The following LMNB1 variants were observed in gnomAD, a reference collection of about 807,000 sequenced individuals.
LMNB1 encodes the protein lamin-B1.
In LMNB1, 23 loss-of-function variants were observed where a neutral mutation model predicts 67.1. The ratio of observed to expected loss-of-function variants is 0.34; its 90% CI spans 0.25 to 0.49. The LOEUF is 0.49. Ranked by LOEUF, LMNB1 falls within the 20% of genes least tolerant of loss-of-function variation. The pLI, the probability that LMNB1 is intolerant of heterozygous loss-of-function variation, is 0.99. For synonymous variants in LMNB1, 281 were observed against 282.9 expected, an observed-to-expected ratio of 0.99 and a Z score of 0.07; for missense variants, 634 against 746.5, an observed-to-expected ratio of 0.85 and a Z score of 1.76.
chr5:126,811,761 T>C lies in LMNB1; in HGVS notation c.814-12T>C. The stretch of plus-strand genomic sequence containing the variant: ...CTAGATAAGACTGACTATGCTTTGC[T>C]TCTTCTTTTAGCTTGAGAATGCCAG... On this transcript the variant is annotated splice_polypyrimidine_tract_variant and intron_variant, in intron 4 of 10. Transcript: ENST00000261366. 2 of 1,599,178 alleles carry C rather than the reference T, an allele frequency of 1.3e-6. No homozygotes were observed. The highest frequency in any genetic ancestry group is 1.7e-6 in the Non-Finnish European group (2 of 1,168,088).
chr5:126,797,361 T>C (rs1751131720), intron 1 of LMNB1, among the ~76,000 whole-genome samples: 1 of 152,248 alleles, frequency 6.6e-6, no homozygotes, highest in African/African-American at 2.4e-5. Flanking sequence ...ATTCACATGT[T>C]GAATTTAACA....
chr5:126,807,812 C>T (rs2973605), intron 3 of LMNB1, among the ~76,000 whole-genome samples: 146,582 of 152,294 alleles, frequency 0.96, 70,577 homozygotes, highest in African/African-American at 0.99. Flanking sequence ...AATTTTTGGC[C>T]TTTGCCTTTT....
chr5:126,781,148 G>A (rs566849313), intron 1 of LMNB1, among the ~76,000 whole-genome samples: 4 of 152,252 alleles, frequency 2.6e-5, no homozygotes, highest in Admixed American at 1.3e-4. Context: ...AATTAGCCGC[G>A]TGTGGTAGTG....
At chr5:126,796,055 C>T (rs556718202) in intron 1 of LMNB1, among the ~76,000 whole-genome samples, 1 of 150,958 alleles carries the variant, frequency 6.6e-6, no homozygotes, top group South Asian at 2.1e-4. Flanking sequence ...GCCTCAGCCT[C>T]CCAAGTAGCT....
intron 4 of LMNB1, 79 bp downstream of exon 4, chr5:126,810,429 T>C: frequency 8.8e-7 from 1 of 1,137,646 alleles, no homozygotes; most frequent in Non-Finnish European, 1.2e-6. Flanking sequence ...GGCTTTATGT[T>C]TATTTTGTTC....
chr5:126,777,903 A>AGGGGCG, intron 1 of LMNB1, 36 bp downstream of exon 1: 1 of 1,380,080 alleles, frequency 7.2e-7, no homozygotes, highest in Non-Finnish European at 9.4e-7. Flanking sequence ...AGCGCCAAGG[A>AGGGGCG]GGGGCGGGGG....
rs1752264068 is a variant in LMNB1 at position 126,837,002 on chromosome 5, AAAG to A, written c.*739_*741del. On this transcript the variant is annotated 3_prime_UTR_variant, in exon 11 of 11. Transcript: ENST00000261366. ...TTCTTATGTGACATTAACAAATAAAAAAGCTCTTTTAATATTGATATACTGTCC... is the reference window on the plus strand; with the variant it reads ...TTCTTATGTGACATTAACAAATAAAACTCTTTTAATATTGATATACTGTCC... The A allele has an allele frequency of 2.5e-6, 1 of 397,742 alleles. No homozygotes were observed. The highest frequency in any genetic ancestry group is 4.4e-6 in the Non-Finnish European group (1 of 225,574). The allele number at this position is 397,742 out of a possible 1,614,324, so 24.6% of individuals were successfully genotyped here.
At chr5:126,793,516 A>G (rs1302778731) in intron 1 of LMNB1, among the ~76,000 whole-genome samples, 1 of 152,202 alleles carries the variant, frequency 6.6e-6, no homozygotes, top group Non-Finnish European at 1.5e-5. Context: ...TGTAACTTTG[A>G]GTTTATGCAA....
intron 10 of LMNB1, among the ~76,000 whole-genome samples, chr5:126,835,825 G>T (rs1292667112): frequency 7.2e-5 from 11 of 152,144 alleles, no homozygotes; most frequent in Non-Finnish European, 1.0e-4. Context: ...GGTGGCTCAC[G>T]CCTGTAATCC....
At chr5:126,814,189 C>G (rs1203233864) in intron 5 of LMNB1, among the ~76,000 whole-genome samples, 8 of 152,216 alleles carry the variant, frequency 5.3e-5, no homozygotes, top group Admixed American at 4.6e-4. Context: ...GCCACTGCAC[C>G]TGGCCTATAT....
rs17532713 is a variant in LMNB1 at position 126,790,717 on chromosome 5, A to G, written c.359+12850A>G. ...TTTTTCTACAGTCTAGTTGTATTGT[A>G]TAAGCATTGATAGTTTGGGTATAGA... is the stretch of plus-strand genomic sequence containing the variant. On this transcript the variant is annotated intron_variant, in intron 1 of 10. Transcript: ENST00000261366. Among the ~76,000 whole-genome samples, 1,486 of 152,168 alleles carry G rather than the reference A, an allele frequency of 9.8e-3. 14 individuals are homozygous for G. Among genetic ancestry groups the G allele is most frequent in the Non-Finnish European group, 0.015 (1,007 of 68,016 alleles).
At chr5:126,798,583 A>T (rs1399236964) in intron 1 of LMNB1, among the ~76,000 whole-genome samples, 1 of 152,210 alleles carries the variant, frequency 6.6e-6, no homozygotes, top group African/African-American at 2.4e-5. Flanking sequence ...GAAAGAGAGG[A>T]TACCCATGCA....
chr5:126,811,094 G>A (rs1751568188), intron 4 of LMNB1, among the ~76,000 whole-genome samples: 1 of 152,204 alleles, frequency 6.6e-6, no homozygotes, highest in South Asian at 2.1e-4. Context: ...TGAAGTAGCA[G>A]TTAGTGAAAG....
chr5:126,834,277 C>T (rs978241246), intron 10 of LMNB1, among the ~76,000 whole-genome samples: 1 of 151,872 alleles, frequency 6.6e-6, no homozygotes, highest in Admixed American at 6.6e-5. Flanking sequence ...GCAATCTCAG[C>T]TCACCGCAAC....
chr5:126,780,659 G>T (rs1366551970), intron 1 of LMNB1, among the ~76,000 whole-genome samples: 1 of 152,162 alleles, frequency 6.6e-6, no homozygotes, highest in Non-Finnish European at 1.5e-5. Flanking sequence ...TTCTCTGAGG[G>T]TTAGTAGTGT....
chr5:126,828,888 C>G (rs533463448), intron 9 of LMNB1, among the ~76,000 whole-genome samples: 1 of 152,198 alleles, frequency 6.6e-6, no homozygotes, highest in African/African-American at 2.4e-5. Context: ...TAACAAACTT[C>G]TAATACCTTC....
chr5:126,810,383 T>C (rs1181544855), intron 4 of LMNB1, 33 bp downstream of exon 4: 1 of 1,510,428 alleles, frequency 6.6e-7, no homozygotes, highest in Non-Finnish European at 9.1e-7. Context: ...TTTTGAACAC[T>C]TAAAATCATT....
chr5:126,776,910 G>C (rs1158728283), upstream of LMNB1: 1 of 152,440 alleles, frequency 6.6e-6, no homozygotes, highest in Non-Finnish European at 1.5e-5. Flanking sequence ...CGCCCAGCCG[G>C]GAGGGCCGAG....
chr5:126,794,838 C>A (rs78470173), intron 1 of LMNB1, among the ~76,000 whole-genome samples: 1 of 152,090 alleles, frequency 6.6e-6, no homozygotes, highest in Non-Finnish European at 1.5e-5. Context: ...AATGGCTTTT[C>A]TCTTTCATCT....
Sources: gnomAD v4.1 joint callset for allele counts (sites outside exome capture counted in the v4.1 genomes callset) on GRCh38, gnomAD v4.1.1 for gene constraint, MANE v1.5 for transcripts, NCBI Gene and HGNC (gene_info 2026-07-23, HGNC 2026-07-21) for gene names.